Variants in TRPM3 observed in about 807,000 individuals in gnomAD.
TRPM3 encodes transient receptor potential cation channel subfamily M member 3, also known as long transient receptor potential channel 3.
Under a neutral mutation model 181.2 loss-of-function variants are expected in TRPM3, and 77 were observed. That is an observed-to-expected ratio of 0.42 (90% confidence interval 0.35 to 0.51). The LOEUF (loss-of-function observed/expected upper bound fraction) is 0.51, where lower values mean the gene tolerates loss of function less well. TRPM3 is among the 20% of genes least tolerant of loss of function. The probability of loss-of-function intolerance (pLI) is 0.01; values close to 1 mark genes in which losing one functional copy is unlikely to be tolerated. For missense variants in TRPM3, 1,759 were observed against 2,196.7 expected (o/e 0.80, Z 3.98); for synonymous variants, 745 against 796.4 (o/e 0.94, Z 1.09).
chr9:70,943,786 T>C (rs2096907459), intron 1 of TRPM3, among the ~76,000 whole-genome samples: 1 of 152,198 alleles, frequency 6.6e-6, no homozygotes, highest in Non-Finnish European at 1.5e-5. Context: ...TTTTCTTTTT[T>C]CTTGAGGAGC....
Position 70,859,743 on chromosome 9 carries a change from T to C in TRPM3, c.462+3165A>G, listed in dbSNP as rs548226348. Among the ~76,000 whole-genome samples, 965 of 98,830 alleles carry C rather than the reference T, an allele frequency of 9.8e-3. 7 individuals are homozygous for C. The highest frequency in any genetic ancestry group is 0.015 in the Non-Finnish European group (681 of 44,344). The allele number at this position is 98,830 out of a possible 152,430, so 64.8% of individuals were successfully genotyped here. A position where few individuals can be genotyped will look rare whatever the true frequency, so the allele number is the denominator to read the frequency against. The stretch of plus-strand genomic sequence containing the variant: ...CAGCAGGAGAAAAAGTAATCACAGA[T>C]AATGAGAAGGGATCTTGGTTTTGTC... On this transcript the variant is annotated intron_variant, in intron 3 of 25. Coordinates refer to ENST00000677713, the MANE Select transcript of TRPM3 (RefSeq NM_001366145.2).
intron 1 of TRPM3, among the ~76,000 whole-genome samples, chr9:71,198,879 A>C (rs28818609): frequency 0.021 from 1,792 of 83,460 alleles, 56 homozygotes; most frequent in Middle Eastern, 0.046. Flanking sequence ...TCTCCTGTCT[A>C]ATTGCCCTGG....
At chr9:71,209,783 C>A (rs1028095655) in intron 1 of TRPM3, among the ~76,000 whole-genome samples, 13 of 152,206 alleles carry the variant, frequency 8.5e-5, no homozygotes, top group Non-Finnish European at 1.6e-4. Context: ...AATTATATGA[C>A]ATTTAAATGT....
chr9:71,198,541 A>G (rs1166714062), intron 1 of TRPM3, among the ~76,000 whole-genome samples: 1 of 151,984 alleles, frequency 6.6e-6, no homozygotes, highest in Non-Finnish European at 1.5e-5. Context: ...ATCCTCTTTT[A>G]TTTCATTGAG....
upstream of TRPM3, chr9:71,446,850 C>A (rs1367757183): frequency 1.1e-4 from 176 of 1,531,822 alleles, no homozygotes; most frequent in Non-Finnish European, 1.5e-4. Flanking sequence ...AGTTCGCCTC[C>A]CTCGGCCGGG....
chr9:70,583,666 C>T lies in TRPM3; in HGVS notation c.3223+7365G>A, dbSNP rs900432618. ...ATTGCCAATTTCAAAAGGAGAGCCT[C>T]CTTTGAGATGGAGAATCCTCTAGCC... On this transcript the variant is annotated intron_variant, in intron 22 of 25. Coordinates refer to ENST00000677713, the MANE Select transcript of TRPM3 (RefSeq NM_001366145.2). 7.9e-5 allele frequency among the ~76,000 whole-genome samples: 12 copies of T among 152,290 alleles called. No individual in the cohort carries two copies. The South Asian group carries it at 2.5e-3, about 32-fold the overall frequency.
At chr9:71,267,553 C>T (rs2083472407) in intron 1 of TRPM3, among the ~76,000 whole-genome samples, 1 of 143,138 alleles carries the variant, frequency 7.0e-6, no homozygotes, top group Admixed American at 7.1e-5. Context: ...CACAAGGAGG[C>T]TATTTACTCA....
chr9:70,547,228 G>T lies in TRPM3; in HGVS notation c.3707+2314C>A, dbSNP rs544082778. Among the ~76,000 whole-genome samples, 10 of 152,144 alleles carry T rather than the reference G, an allele frequency of 6.6e-5. No individual in the cohort carries two copies. The East Asian group carries it at 1.9e-3, about 29-fold the overall frequency. The stretch of plus-strand genomic sequence containing the variant: ...AATTATATAATCTACACACTGTATA[G>T]AATATACACAGCTAATTTAGGTAAA... On this transcript the variant is annotated intron_variant, in intron 25 of 25. Coordinates refer to ENST00000677713, the MANE Select transcript of TRPM3 (RefSeq NM_001366145.2).
At chr9:71,443,586 A>G (rs1309445399) in intron 1 of TRPM3, among the ~76,000 whole-genome samples, 4 of 152,182 alleles carry the variant, frequency 2.6e-5, no homozygotes, top group African/African-American at 9.7e-5. Flanking sequence ...AAGAGCATCA[A>G]GACTTCATTT....
chr9:71,252,404 G>GAT lies in TRPM3; in HGVS notation c.183+194248_183+194249insAT, dbSNP rs554689091. Among the ~76,000 whole-genome samples the GAT allele has an allele frequency of 4.2e-3, 641 of 152,204 alleles. 3 individuals carry two copies. The highest frequency in any genetic ancestry group is 0.015 in the African/African-American group (618 of 41,528). On this transcript the variant is annotated intron_variant, in intron 1 of 24. Coordinates refer to the TRPM3 transcript ENST00000357533. The stretch of plus-strand genomic sequence containing the variant: ...AGCCATGACACGTTTATCAGACATT[G>GAT]ACATTGCTTTGTTCACCTTTCTAAA...
At chr9:71,075,972 A>G (rs1591210753) in intron 1 of TRPM3, among the ~76,000 whole-genome samples, 1 of 152,276 alleles carries the variant, frequency 6.6e-6, no homozygotes, top group African/African-American at 2.4e-5. Flanking sequence ...TTTAGTCCCA[A>G]TCCTTGATTT....
At chr9:70,641,716 C>T (rs2133597684) in intron 9 of TRPM3, among the ~76,000 whole-genome samples, 1 of 152,278 alleles carries the variant, frequency 6.6e-6, no homozygotes, top group East Asian at 1.9e-4. Flanking sequence ...AGATACAGAA[C>T]ATTTCTATCA....
At chr9:71,032,614 G>A (rs1201954083) in intron 1 of TRPM3, among the ~76,000 whole-genome samples, 1 of 151,990 alleles carries the variant, frequency 6.6e-6, no homozygotes, top group African/African-American at 2.4e-5. Context: ...AATTCCACTG[G>A]GAATAAACAC....
At chr9:70,811,323 A>G in intron 6 of TRPM3, 1 of 1,191,506 alleles carries the variant, frequency 8.4e-7, no homozygotes, top group Non-Finnish European at 1.2e-6. Flanking sequence ...GGATTACCCA[A>G]TTTACATAAA....
intron 1 of TRPM3, among the ~76,000 whole-genome samples, chr9:71,331,891 G>GAGAAAGA (rs373219824): frequency 1.5e-5 from 1 of 67,790 alleles, no homozygotes; most frequent in African/African-American, 6.0e-5. Context: ...GAGGAAGAAG[G>GAGAAAGA]GGAGGAAGAA....
chr9:71,283,390 G>A (rs7873383), intron 1 of TRPM3, among the ~76,000 whole-genome samples: 4,606 of 152,088 alleles, frequency 0.03, 212 homozygotes, highest in African/African-American at 0.1. Context: ...TGTGCCTCCC[G>A]GGTTCACGCC....
chr9:71,262,587 A>G (rs2083136640), intron 1 of TRPM3, among the ~76,000 whole-genome samples: 2 of 152,028 alleles, frequency 1.3e-5, no homozygotes, highest in Admixed American at 1.3e-4. Flanking sequence ...AACAAAACAA[A>G]ACTCCTGCAG....
chr9:71,282,063 G>A (rs967585825), intron 1 of TRPM3, among the ~76,000 whole-genome samples: 1 of 97,232 alleles, frequency 1.0e-5, no homozygotes, highest in Admixed American at 1.1e-4. Flanking sequence ...CAGAAAGAGA[G>A]AAAGAAAGGA....
At chr9:71,206,193 C>A (rs1408181025) in intron 1 of TRPM3, among the ~76,000 whole-genome samples, 1 of 152,192 alleles carries the variant, frequency 6.6e-6, no homozygotes, top group Non-Finnish European at 1.5e-5. Context: ...AATGGTTGAA[C>A]TAATTTACAC....
Sources: gnomAD v4.1 joint callset for allele counts (sites outside exome capture counted in the v4.1 genomes callset) on GRCh38, gnomAD v4.1.1 for gene constraint, MANE v1.5 for transcripts, NCBI Gene and HGNC (gene_info 2026-07-23, HGNC 2026-07-21) for gene names.